The following COL19A1 variants were observed in gnomAD, a reference collection of about 807,000 sequenced individuals.
The protein encoded by COL19A1 is collagen alpha-1(XIX) chain.
Under a neutral mutation model 190.2 loss-of-function variants are expected in COL19A1, and 159 were observed. The observed-to-expected ratio is 0.84, with a 90% CI of 0.73 to 0.95. COL19A1 has a LOEUF of 0.95. Ranked by LOEUF, COL19A1 falls within the 40% of genes least tolerant of loss-of-function variation. The pLI, the probability that COL19A1 is intolerant of heterozygous loss-of-function variation, is 0.00. For synonymous variants in COL19A1, 509 were observed against 458.9 expected (o/e 1.11, Z -1.39); for missense variants, 1,418 against 1,431.9 (o/e 0.99, Z 0.16).
chr6:70,120,903 G>C (rs1232324099), intron 16 of COL19A1, among the ~76,000 whole-genome samples: 1 of 152,094 alleles, frequency 6.6e-6, no homozygotes, highest in African/African-American at 2.4e-5. Flanking sequence ...TGCAGCTAAC[G>C]ATTGCTTCTT....
chr6:70,059,615 G>T (rs1008681182), intron 14 of COL19A1: 3 of 266,316 alleles, frequency 1.1e-5, no homozygotes, highest in Admixed American at 5.5e-5. Context: ...TAGCTGGCTT[G>T]GACTATTTTT....
At chr6:70,024,491 C>G (rs1778615377) in intron 12 of COL19A1, among the ~76,000 whole-genome samples, 1 of 151,910 alleles carries the variant, frequency 6.6e-6, no homozygotes, top group Non-Finnish European at 1.5e-5. Flanking sequence ...CCCTAATGCC[C>G]TAGATGTGTT....
intron 16 of COL19A1, among the ~76,000 whole-genome samples, chr6:70,105,265 C>A (rs1783879942): frequency 6.6e-6 from 1 of 152,144 alleles, no homozygotes; most frequent in African/African-American, 2.4e-5. Context: ...TCAAGCAATT[C>A]TCCAGCCTCA....
At chr6:70,061,843 T>G (rs1052781293) in intron 14 of COL19A1, among the ~76,000 whole-genome samples, 1 of 152,076 alleles carries the variant, frequency 6.6e-6, no homozygotes, top group South Asian at 2.1e-4. Flanking sequence ...GTCAGGCTTA[T>G]AAAAAAATGA....
At chr6:70,169,157 T>C (rs1765349679) in intron 40 of COL19A1, among the ~76,000 whole-genome samples, 1 of 152,124 alleles carries the variant, frequency 6.6e-6, no homozygotes, top group African/African-American at 2.4e-5. Flanking sequence ...GGCTGCTTAT[T>C]AGGAGGAATG....
At chr6:70,056,935 G>C (rs1412790568) in intron 14 of COL19A1, among the ~76,000 whole-genome samples, 1 of 151,912 alleles carries the variant, frequency 6.6e-6, no homozygotes, top group Non-Finnish European at 1.5e-5. Flanking sequence ...GAGTATTTCT[G>C]TACTGATTTA....
intron 14 of COL19A1, among the ~76,000 whole-genome samples, chr6:70,056,685 C>G (rs1246574462): frequency 6.6e-6 from 1 of 151,984 alleles, no homozygotes; most frequent in Non-Finnish European, 1.5e-5. Flanking sequence ...AATCTTAATC[C>G]TCCTAAGAAA....
chr6:70,034,429 G>A (rs1779234883), intron 13 of COL19A1, 131 bp downstream of exon 13: 4 of 671,146 alleles, frequency 6.0e-6, no homozygotes, highest in Non-Finnish European at 8.1e-6. Context: ...TACCTTAATA[G>A]CATCTGAATA....
At chr6:70,019,153 ATAACT>A (rs1368117988) in intron 11 of COL19A1, among the ~76,000 whole-genome samples, 1 of 152,152 alleles carries the variant, frequency 6.6e-6, no homozygotes, top group Non-Finnish European at 1.5e-5. Flanking sequence ...AATTGAGGAA[ATAACT>A]TAGGATAATA....
In COL19A1 at chr6:70,197,143, G is replaced by T. The variant is rs114752967; in HGVS notation, c.3095-2465G>T. 6.9e-3 allele frequency among the ~76,000 whole-genome samples: 1,048 copies of T among 151,778 alleles called. 19 individuals are homozygous for T. Among genetic ancestry groups the T allele is most frequent in the African/African-American group, 0.024 (990 of 41,396 alleles). ...TTTCAAATTAAGAAAAATTGTGACCGGTCTCAGTGGCTCACGCCTGTAATC... is the reference window on the plus strand; with the variant it reads ...TTTCAAATTAAGAAAAATTGTGACCTGTCTCAGTGGCTCACGCCTGTAATC... On this transcript the variant is annotated intron_variant, in intron 48 of 50. Transcript: ENST00000620364.
intron 11 of COL19A1, among the ~76,000 whole-genome samples, chr6:70,017,273 A>C (rs1182605470): frequency 6.6e-6 from 1 of 152,160 alleles, no homozygotes; most frequent in African/African-American, 2.4e-5. Flanking sequence ...ATTTCTAGAA[A>C]AAAGCAAAAC....
chr6:70,119,843 C>T (rs1219011664), intron 16 of COL19A1, among the ~76,000 whole-genome samples: 1 of 152,210 alleles, frequency 6.6e-6, no homozygotes, highest in Non-Finnish European at 1.5e-5. Flanking sequence ...GTAATACCAG[C>T]ACTTTGGGAA....
At chr6:69,925,091 T>C (rs933104589) in intron 4 of COL19A1, among the ~76,000 whole-genome samples, 2 of 152,214 alleles carry the variant, frequency 1.3e-5, no homozygotes, top group African/African-American at 2.4e-5. Flanking sequence ...TTAGTTTAAT[T>C]AGATCCCATT....
At position 70,212,368 on chromosome 6, in the gene COL19A1, T is replaced by C. The variant is rs185450278; in HGVS notation, c.*5094T>C. Among the ~76,000 whole-genome samples, 394 of 152,356 alleles carry C rather than the reference T, an allele frequency of 2.6e-3. 2 individuals are homozygous for C. The highest frequency in any genetic ancestry group is 8.8e-3 in the African/African-American group (367 of 41,598). On this transcript the variant is annotated 3_prime_UTR_variant, in exon 51 of 51. Coordinates refer to ENST00000620364, the MANE Select transcript of COL19A1 (RefSeq NM_001858.6). ...CATTAGTTTTATTCAAAATCCCACA[T>C]GGGCATAATGCTTTGAGGCCTTGAT...
At position 69,874,795 on chromosome 6, in the gene COL19A1, C is replaced by T. The variant is rs561005173; in HGVS notation, c.-32-4741C>T. Among the ~76,000 whole-genome samples the T allele has an allele frequency of 2.2e-3, 341 of 152,114 alleles. 7 individuals carry two copies. The highest frequency in any genetic ancestry group is 0.02 in the South Asian group (96 of 4,810). On this transcript the variant is annotated intron_variant, in intron 1 of 50. Transcript: ENST00000620364. ...GAAGTGTGCAAAGAGAAATAATATT[C>T]ATGATAATGACCCTTGAAAGATTAT...
At chr6:70,043,255 G>T (rs1247592346) in intron 14 of COL19A1, among the ~76,000 whole-genome samples, 1 of 150,172 alleles carries the variant, frequency 6.7e-6, no homozygotes, top group African/African-American at 2.5e-5. Context: ...GAAGTGGCGC[G>T]ATCTCGGCTC....
chr6:70,135,710 G>A (rs569536296), intron 18 of COL19A1, among the ~76,000 whole-genome samples: 26 of 152,316 alleles, frequency 1.7e-4, no homozygotes, highest in Non-Finnish European at 5.9e-5. Context: ...ATTGGGGCAA[G>A]TTTTAAGGGA....
intron 9 of COL19A1, among the ~76,000 whole-genome samples, chr6:69,942,740 A>ATGTG (rs35406948): frequency 0.14 from 21,178 of 146,538 alleles, 1,733 homozygotes; most frequent in East Asian, 0.34. Context: ...CATTGTGTGT[A>ATGTG]TGTGTGTGTG....
At chr6:70,017,352 G>A (rs895066250) in intron 11 of COL19A1, among the ~76,000 whole-genome samples, 1 of 152,054 alleles carries the variant, frequency 6.6e-6, no homozygotes, top group African/African-American at 2.4e-5. Flanking sequence ...ACTACAAATG[G>A]GCACAAGGAA....
Sources: allele counts gnomAD v4.1 joint callset (sites outside exome capture counted in the v4.1 genomes callset), GRCh38; gene constraint gnomAD v4.1.1; transcripts MANE v1.5; gene names NCBI Gene and HGNC (gene_info 2026-07-23, HGNC 2026-07-21).